The following CREB5 variants were observed in gnomAD, a reference collection of about 807,000 sequenced individuals.
CREB5 encodes cAMP responsive element binding protein 5.
A neutral mutation model predicts 57.1 loss-of-function variants in CREB5; 19 were observed. The observed-to-expected ratio is 0.33, with a 90% CI of 0.23 to 0.49. The LOEUF (loss-of-function observed/expected upper bound fraction) is 0.49. CREB5 is among the 20% of genes least tolerant of loss of function. The pLI, the probability that CREB5 is intolerant of heterozygous loss-of-function variation, is 0.99. For synonymous variants in CREB5, 238 were observed against 238.3 expected, an observed-to-expected ratio of 1.00 and a Z score of 0.01; for missense variants, 579 against 671.6, an observed-to-expected ratio of 0.86 and a Z score of 1.52.
upstream of CREB5, among the ~76,000 whole-genome samples, chr7:28,408,173 C>A (rs1472708078): frequency 6.6e-6 from 1 of 152,136 alleles, no homozygotes; most frequent in Non-Finnish European, 1.5e-5. Flanking sequence ...CAGGCCAGCC[C>A]CCAACCTTCT....
intron 4 of CREB5, among the ~76,000 whole-genome samples, chr7:28,531,090 G>A (rs575423448): frequency 1.3e-5 from 2 of 152,050 alleles, no homozygotes; most frequent in Admixed American, 6.6e-5. Flanking sequence ...ACAATATAAT[G>A]TTTTGGGGAA....
rs1809836603 is a variant in CREB5 at position 28,822,544 on chromosome 7, C to G, written c.*3265C>G. 2.0e-5 allele frequency: 3 copies of G among 152,652 alleles called. No individual in the cohort carries two copies. In the South Asian group the frequency reaches 6.2e-4, roughly 32 times the overall value. 9.5% of individuals were successfully genotyped at this position (152,652 alleles called of 1,614,324 possible). A position where few individuals can be genotyped will look rare whatever the true frequency, so the allele number is the denominator to read the frequency against. On this transcript the variant is annotated 3_prime_UTR_variant, in exon 11 of 11. Coordinates refer to ENST00000357727, the MANE Select transcript of CREB5 (RefSeq NM_182898.4). ...AGGAGGGAAAATCCTGTCACACTGC[C>G]TCTCCCCATTCGTGTGTGGTTTTCT...
chr7:28,745,398 T>C (rs1428059038), intron 7 of CREB5, among the ~76,000 whole-genome samples: 1 of 152,232 alleles, frequency 6.6e-6, no homozygotes, highest in African/African-American at 2.4e-5. Context: ...TGCTTTTATT[T>C]GGCTGCATTC....
intron 1 of CREB5, among the ~76,000 whole-genome samples, chr7:28,445,433 T>A (rs1019600579): frequency 6.6e-6 from 1 of 152,184 alleles, no homozygotes; most frequent in African/African-American, 2.4e-5. Context: ...GGAAATTACT[T>A]TGTTTTTGCA....
intron 7 of CREB5, among the ~76,000 whole-genome samples, chr7:28,747,653 C>T (rs542314277): frequency 2.6e-5 from 4 of 152,276 alleles, no homozygotes; most frequent in East Asian, 1.9e-4. Context: ...CCAGTCCCAG[C>T]GTGTTTTTTT....
chr7:28,656,793 A>G, intron 5 of CREB5, among the ~76,000 whole-genome samples: 1 of 152,076 alleles, frequency 6.6e-6, no homozygotes, highest in South Asian at 2.1e-4. Flanking sequence ...TTTGTAATGC[A>G]TTTCTCTTTG....
intron 1 of CREB5, among the ~76,000 whole-genome samples, chr7:28,346,047 TC>T: frequency 6.6e-6 from 1 of 152,244 alleles, no homozygotes; most frequent in East Asian, 1.9e-4. Flanking sequence ...GGGTTAAGTG[TC>T]CCAGGTTGGG....
intron 5 of CREB5, among the ~76,000 whole-genome samples, chr7:28,620,041 T>A (rs1472288939): frequency 6.6e-6 from 1 of 152,230 alleles, no homozygotes; most frequent in Non-Finnish European, 1.5e-5. Flanking sequence ...AATTTGGGCA[T>A]CATTTTAATA....
At chr7:28,451,966 G>A (rs1789839176) in intron 1 of CREB5, among the ~76,000 whole-genome samples, 1 of 152,152 alleles carries the variant, frequency 6.6e-6, no homozygotes, top group Non-Finnish European at 1.5e-5. Flanking sequence ...GCGGGAAGGT[G>A]TCACTCTGCA....
chr7:28,416,717 G>T (rs975860879), intron 1 of CREB5, among the ~76,000 whole-genome samples: 1 of 152,198 alleles, frequency 6.6e-6, no homozygotes, highest in East Asian at 1.9e-4. Context: ...CTGTCAGAAC[G>T]CTGGGGGCCT....
At chr7:28,385,268 A>G (rs1024075256) in intron 1 of CREB5, among the ~76,000 whole-genome samples, 1 of 152,184 alleles carries the variant, frequency 6.6e-6, no homozygotes, top group Non-Finnish European at 1.5e-5. Flanking sequence ...TATTTTTACA[A>G]AAAAAAGAAT....
At chr7:28,729,304 T>C (rs1338015378) in intron 7 of CREB5, among the ~76,000 whole-genome samples, 1 of 152,172 alleles carries the variant, frequency 6.6e-6, no homozygotes, top group Non-Finnish European at 1.5e-5. Context: ...CCTTCACATT[T>C]CTACCTAGAA....
intron 1 of CREB5, among the ~76,000 whole-genome samples, chr7:28,347,397 A>G (rs58788566): frequency 0.14 from 20,989 of 152,232 alleles, 1,662 homozygotes; most frequent in East Asian, 0.31. Flanking sequence ...AGGAAAGAGG[A>G]CAACAGTGTT....
intron 4 of CREB5, among the ~76,000 whole-genome samples, chr7:28,523,801 C>A (rs753301703): frequency 7.9e-5 from 12 of 152,212 alleles, no homozygotes; most frequent in Non-Finnish European, 1.5e-4. Flanking sequence ...CTCCATGAAG[C>A]CTTCTCTGAT....
At chr7:28,394,799 A>T (rs1350044298) in intron 1 of CREB5, among the ~76,000 whole-genome samples, 1 of 152,192 alleles carries the variant, frequency 6.6e-6, no homozygotes, top group Non-Finnish European at 1.5e-5. Context: ...AAAGTTTGTC[A>T]TGAAGAGAAG....
At chr7:28,325,454 CA>C (rs59632895) in intron 1 of CREB5, among the ~76,000 whole-genome samples, 31,036 of 135,566 alleles carry the variant, frequency 0.23, 3,235 homozygotes, top group Non-Finnish European at 0.26. Context: ...GACTCCATCT[CA>C]AAAAAAAAAA....
intron 1 of CREB5, among the ~76,000 whole-genome samples, chr7:28,464,494 TG>T (rs1363374595): frequency 8.4e-6 from 1 of 118,986 alleles, no homozygotes; most frequent in African/African-American, 3.5e-5. Flanking sequence ...TGTGGAAAGT[TG>T]CGTGTGTGTG....
chr7:28,791,869 C>T (rs1807730556), intron 7 of CREB5, among the ~76,000 whole-genome samples: 1 of 152,164 alleles, frequency 6.6e-6, no homozygotes, highest in Non-Finnish European at 1.5e-5. Flanking sequence ...ACACTTTCCT[C>T]CCACCACCCC....
At chr7:28,450,739 A>T (rs1345070865) in intron 1 of CREB5, among the ~76,000 whole-genome samples, 1 of 152,240 alleles carries the variant, frequency 6.6e-6, no homozygotes, top group African/African-American at 2.4e-5. Context: ...GATTTGTCTT[A>T]AGTCTTGGCA....
Sources: allele counts gnomAD v4.1 joint callset (sites outside exome capture counted in the v4.1 genomes callset), GRCh38; gene constraint gnomAD v4.1.1; transcripts MANE v1.5; gene names NCBI Gene and HGNC (gene_info 2026-07-23, HGNC 2026-07-21).